Variants in CACNA1D observed in about 807,000 individuals in gnomAD.
The protein encoded by CACNA1D is calcium voltage-gated channel subunit alpha1 D.
Under a neutral mutation model 257.1 loss-of-function variants are expected in CACNA1D, and 55 were observed. The observed-to-expected ratio is 0.21, with a 90% CI of 0.17 to 0.27. The LOEUF is 0.27. CACNA1D is among the 10% of genes least tolerant of loss of function. The pLI, the probability that CACNA1D is intolerant of heterozygous loss-of-function variation, is 1.00. For synonymous variants in CACNA1D, 980 were observed against 1,014.9 expected, an observed-to-expected ratio of 0.97 and a Z score of 0.65; for missense variants, 1,876 against 2,784.0, an observed-to-expected ratio of 0.67 and a Z score of 7.34.
intron 3 of CACNA1D, among the ~76,000 whole-genome samples, chr3:53,554,992 A>T (rs557122761): frequency 6.6e-6 from 1 of 152,360 alleles, no homozygotes; most frequent in South Asian, 2.1e-4. Flanking sequence ...ATTGTGAATG[A>T]TAATATCATT....
At chr3:53,686,713 T>C (rs556619070) in intron 8 of CACNA1D, among the ~76,000 whole-genome samples, 1 of 152,130 alleles carries the variant, frequency 6.6e-6, no homozygotes, top group Non-Finnish European at 1.5e-5. Flanking sequence ...TACTTATTGG[T>C]GAAAGACTCA....
chr3:53,602,192 A>T (rs964974081), intron 3 of CACNA1D, among the ~76,000 whole-genome samples: 2 of 152,180 alleles, frequency 1.3e-5, no homozygotes, highest in Non-Finnish European at 2.9e-5. Flanking sequence ...GCTCCTACAT[A>T]TAAGTGAGAA....
chr3:53,549,090 C>T (rs1189547149), intron 3 of CACNA1D, among the ~76,000 whole-genome samples: 1 of 152,144 alleles, frequency 6.6e-6, no homozygotes, highest in Non-Finnish European at 1.5e-5. Flanking sequence ...CAGCACTTAG[C>T]GGGCCTTAAG....
rs2095230108 is a variant in CACNA1D, at chr3:53,751,973, T to G, written c.3675+66T>G. ...CCGCACAGCCCCGTGCCCCAAATGC[T>G]GAGGGTGGAATGCTGCCCCTCACAG... On this transcript the variant is annotated intron_variant, in intron 28 of 47. Coordinates refer to ENST00000350061, the MANE Select transcript of CACNA1D (RefSeq NM_001128840.3). The surrounding 1 kb of genome is among the most constrained non-coding windows in gnomAD (Gnocchi z 4.3). The G allele has an allele frequency of 1.3e-6, 2 of 1,508,236 alleles. No individual in the cohort carries two copies. Among genetic ancestry groups the G allele is most frequent in the Non-Finnish European group, 1.8e-6 (2 of 1,084,080 alleles). 93.4% of individuals were successfully genotyped at this position (1,508,236 alleles called of 1,614,324 possible). A position where few individuals can be genotyped will look rare whatever the true frequency, so the allele number is the denominator to read the frequency against.
chr3:53,784,953 G>A (rs1285313709), intron 39 of CACNA1D, among the ~76,000 whole-genome samples: 1 of 152,152 alleles, frequency 6.6e-6, no homozygotes, highest in African/African-American at 2.4e-5. Flanking sequence ...ACTGAGCTGG[G>A]CAAGTCATTT....
chr3:53,775,809 G>C (rs760893059), intron 34 of CACNA1D, 77 bp from the exon 35 acceptor site: 12 of 1,422,422 alleles, frequency 8.4e-6, no homozygotes, highest in Non-Finnish European at 1.2e-5. Context: ...CTAATTATGA[G>C]TTTTTCTCCC....
At chr3:53,686,784 T>C (rs1320849232) in intron 8 of CACNA1D, among the ~76,000 whole-genome samples, 1 of 152,034 alleles carries the variant, frequency 6.6e-6, no homozygotes, top group East Asian at 1.9e-4. Context: ...TTATTCAATG[T>C]TTTATTGAAA....
rs1293238525 is a variant in CACNA1D at position 53,800,202 on chromosome 3, A to G, written c.4924-47A>G. On this transcript the variant is annotated intron_variant, in intron 40 of 47. Coordinates refer to ENST00000350061, the MANE Select transcript of CACNA1D (RefSeq NM_001128840.3). The surrounding 1 kb of genome is among the most constrained non-coding windows in gnomAD (Gnocchi z 4.3). ...CAAAGCCAGGACCCAGGCTGGCCCC[A>G]GGGCCCATGTGTGGTCTAACCTGTT... 1 of 1,346,576 alleles carries G rather than the reference A, an allele frequency of 7.4e-7. No individual in the cohort carries two copies. The highest frequency in any genetic ancestry group is 2.3e-5 in the East Asian group (1 of 43,670). The allele number at this position is 1,346,576 out of a possible 1,614,324, so 83.4% of individuals were successfully genotyped here. A position where few individuals can be genotyped will look rare whatever the true frequency, so the allele number is the denominator to read the frequency against.
chr3:53,698,663 A>G (rs1576388146), intron 8 of CACNA1D, among the ~76,000 whole-genome samples: 1 of 152,234 alleles, frequency 6.6e-6, no homozygotes, highest in South Asian at 2.1e-4. Context: ...AGGTATACTT[A>G]AGAGTGTCAC....
chr3:53,809,997 T>C lies in CACNA1D; in HGVS notation c.5891T>C (p.Leu1964Pro). The change falls in exon 47 of 48, where the codon CTA becomes CCA. Residue 1964 changes from leucine to proline, a missense_variant. By Grantham distance (98) the Leu-to-Pro change is moderately conservative (BLOSUM62 -3). This residue lies in a region of CACNA1D where 491 missense variants were observed against 554.3 expected (regional missense o/e 0.89). Transcript: ENST00000350061. ...CCTCAGATCATGGCAGTTGCCGGCC[T>C]AGATTCAAGTAAAGCCCAGAAGTAC... ...MQQQIMAVAG[L>P]DSSKAQKYSP... 1 of 1,614,000 alleles carries C rather than the reference T, an allele frequency of 6.2e-7. No individual in the cohort carries two copies. The highest frequency in any genetic ancestry group is 8.5e-7 in the Non-Finnish European group (1 of 1,180,014).
chr3:53,607,970 G>T (rs2093534324), intron 3 of CACNA1D, among the ~76,000 whole-genome samples: 1 of 152,088 alleles, frequency 6.6e-6, no homozygotes, highest in African/African-American at 2.4e-5. Flanking sequence ...AAGTTCTCCA[G>T]TTTTACATTA....
chr3:53,752,470 G>A (rs1286372038), intron 28 of CACNA1D, among the ~76,000 whole-genome samples: 1 of 152,156 alleles, frequency 6.6e-6, no homozygotes, highest in East Asian at 1.9e-4. Context: ...CGCGATCTCG[G>A]CTCACTGCAA....
intron 3 of CACNA1D, among the ~76,000 whole-genome samples, chr3:53,578,300 G>A (rs113210396): frequency 6.6e-6 from 1 of 152,120 alleles, no homozygotes; most frequent in Non-Finnish European, 1.5e-5. Context: ...CTGAGGAGGG[G>A]TGTGGTTTTA....
At chr3:53,752,355 T>C (rs751932912) in intron 28 of CACNA1D, among the ~76,000 whole-genome samples, 39 of 152,192 alleles carry the variant, frequency 2.6e-4, no homozygotes, top group South Asian at 8.3e-4. Flanking sequence ...ACGTTAGAGA[T>C]AAGGTTTATG....
At chr3:53,643,703 C>G (rs1473908403) in intron 3 of CACNA1D, among the ~76,000 whole-genome samples, 1 of 152,216 alleles carries the variant, frequency 6.6e-6, no homozygotes, top group East Asian at 1.9e-4. Context: ...AAACGAAGAC[C>G]AAACCCCGTA....
In CACNA1D at chr3:53,660,293, C is replaced by G. The variant is rs774548635; in HGVS notation, c.766+18C>G. On this transcript the variant is annotated intron_variant, in intron 5 of 47. Coordinates refer to ENST00000350061, the MANE Select transcript of CACNA1D (RefSeq NM_001128840.3). ...AGTGCCCAGTAAGCACTTATTGTTT[C>G]CTAGAGTCAGGAGTGTGCTGGTTTT... 2.5e-6 allele frequency: 4 copies of G among 1,612,894 alleles called. No individual in the cohort carries two copies. In the East Asian group the frequency reaches 8.9e-5, roughly 36 times the overall value.
At chr3:53,706,945 C>G (rs1176634801) in intron 9 of CACNA1D, among the ~76,000 whole-genome samples, 1 of 152,128 alleles carries the variant, frequency 6.6e-6, no homozygotes, top group Non-Finnish European at 1.5e-5. Context: ...GGTGGGGCCT[C>G]CCTCTTAGGA....
chr3:53,616,710 C>T (rs73840150), intron 3 of CACNA1D, among the ~76,000 whole-genome samples: 11,463 of 152,106 alleles, frequency 0.075, 478 homozygotes, highest in African/African-American at 0.088. Flanking sequence ...ATCAGCCATG[C>T]GAATAATCAC....
At chr3:53,664,849 T>C (rs925799263) in intron 5 of CACNA1D, among the ~76,000 whole-genome samples, 1 of 152,238 alleles carries the variant, frequency 6.6e-6, no homozygotes, top group Non-Finnish European at 1.5e-5. Context: ...TTGCTTCTAG[T>C]GAACAAGAGC....
Sources: allele counts gnomAD v4.1 joint callset (sites outside exome capture counted in the v4.1 genomes callset), GRCh38; gene constraint gnomAD v4.1.1; regional missense constraint gnomAD v4.1.1; non-coding constraint Gnocchi (gnomAD v3.1); transcripts MANE v1.5; gene names NCBI Gene and HGNC (gene_info 2026-07-23, HGNC 2026-07-21).